Variants in RASSF8 observed in about 807,000 individuals in gnomAD.
The protein encoded by RASSF8 is ras association domain-containing protein 8.
In RASSF8, 22 loss-of-function variants were observed where a neutral mutation model predicts 48.5. The observed-to-expected ratio is 0.45, with a 90% CI of 0.32 to 0.65. The LOEUF is 0.65. Ranked by LOEUF, RASSF8 falls within the 30% of genes least tolerant of loss-of-function variation. The pLI is 0.03. For missense variants in RASSF8, 418 were observed against 489.2 expected (o/e 0.85, Z 1.37); for synonymous variants, 127 against 171.5 (o/e 0.74, Z 2.03).
chr12:25,963,209 A>T (rs1182786325), intron 1 of RASSF8, among the ~76,000 whole-genome samples: 1 of 151,964 alleles, frequency 6.6e-6, no homozygotes, highest in Non-Finnish European at 1.5e-5. Flanking sequence ...ACCAGACATC[A>T]CTGGACCATA....
At chr12:26,002,685 G>C (rs1942290430) in intron 2 of RASSF8, among the ~76,000 whole-genome samples, 1 of 152,148 alleles carries the variant, frequency 6.6e-6, no homozygotes, top group South Asian at 2.1e-4. Flanking sequence ...TGACACAGGA[G>C]AATCACTTGA....
chr12:26,066,618 C>T (rs1943880890), intron 4 of RASSF8, among the ~76,000 whole-genome samples: 1 of 152,142 alleles, frequency 6.6e-6, no homozygotes, highest in African/African-American at 2.4e-5. Flanking sequence ...TTTGATATCA[C>T]AGAAAACACT....
chr12:26,040,891 G>GTTTTT (rs113609672), intron 2 of RASSF8, among the ~76,000 whole-genome samples: 1 of 141,882 alleles, frequency 7.0e-6, no homozygotes, highest in Non-Finnish European at 1.5e-5. Flanking sequence ...ATTATACATA[G>GTTTTT]TTTTTTTTTT....
chr12:26,056,634 T>A (rs1417783638), intron 3 of RASSF8, among the ~76,000 whole-genome samples: 1 of 152,238 alleles, frequency 6.6e-6, no homozygotes, highest in Non-Finnish European at 1.5e-5. Context: ...GATGCACTGT[T>A]AGAGGTTTAC....
chr12:26,027,371 C>G (rs1488859280), intron 2 of RASSF8, among the ~76,000 whole-genome samples: 1 of 152,130 alleles, frequency 6.6e-6, no homozygotes, highest in Non-Finnish European at 1.5e-5. Context: ...GTTGTTTAAA[C>G]AAACAAACAG....
Position 26,065,467 on chromosome 12 carries a change from T to G in RASSF8, c.993+80T>G, listed in dbSNP as rs543262963. The G allele has an allele frequency of 8.2e-6, 12 of 1,468,792 alleles. No individual in the cohort carries two copies. The African/African-American group carries it at 1.3e-4, about 16-fold the overall frequency. 91.0% of individuals were successfully genotyped at this position (1,468,792 alleles called of 1,614,324 possible). On this transcript the variant is annotated intron_variant, in intron 4 of 5. Coordinates refer to ENST00000689635, the MANE Select transcript of RASSF8 (RefSeq NM_001394098.1). Reference sequence around the variant, plus strand: ...GGAATCTCCTTTTCATCATTGTCAATTTTTCCTTATATTCAAAGAATTAGA... The same window carrying G: ...GGAATCTCCTTTTCATCATTGTCAAGTTTTCCTTATATTCAAAGAATTAGA...
intron 2 of RASSF8, among the ~76,000 whole-genome samples, chr12:26,045,160 T>A (rs143787563): frequency 1.3e-5 from 2 of 152,174 alleles, no homozygotes; most frequent in African/African-American, 4.8e-5. Flanking sequence ...GAATGGACAC[T>A]TTTTTTGTTC....
chr12:26,034,382 A>T (rs1943087587), intron 2 of RASSF8, among the ~76,000 whole-genome samples: 1 of 149,184 alleles, frequency 6.7e-6, no homozygotes, highest in African/African-American at 2.5e-5. Context: ...AACACATAAA[A>T]TACACTAACA....
chr12:25,976,154 C>G (rs140570367), intron 1 of RASSF8, among the ~76,000 whole-genome samples: 1 of 152,076 alleles, frequency 6.6e-6, no homozygotes, highest in Non-Finnish European at 1.5e-5. Flanking sequence ...TGCCAACTTC[C>G]TAGAACTAAA....
chr12:26,061,733 T>C (rs1943747787), intron 3 of RASSF8, among the ~76,000 whole-genome samples: 1 of 152,198 alleles, frequency 6.6e-6, no homozygotes, highest in African/African-American at 2.4e-5. Flanking sequence ...TGCCAAGTTA[T>C]GGATATTAAA....
intron 1 of RASSF8, among the ~76,000 whole-genome samples, chr12:25,985,726 T>C (rs190557483): frequency 6.6e-6 from 1 of 152,206 alleles, no homozygotes; most frequent in African/African-American, 2.4e-5. Flanking sequence ...AAATTAATAT[T>C]TGGGGGAGAG....
chr12:26,037,290 G>T (rs1943173899), intron 2 of RASSF8, among the ~76,000 whole-genome samples: 1 of 152,186 alleles, frequency 6.6e-6, no homozygotes, highest in African/African-American at 2.4e-5. Context: ...AGCAATATCA[G>T]TGATAAGATA....
intron 2 of RASSF8, among the ~76,000 whole-genome samples, chr12:26,002,719 G>A (rs1942291486): frequency 6.6e-6 from 1 of 152,174 alleles, no homozygotes. Context: ...AGGTTGCAGT[G>A]AGCAGAGATC....
chr12:26,021,846 A>G (rs1942793977), intron 2 of RASSF8, among the ~76,000 whole-genome samples: 1 of 152,124 alleles, frequency 6.6e-6, no homozygotes, highest in Non-Finnish European at 1.5e-5. Flanking sequence ...TCCCCAAAGG[A>G]ATTGATTTTA....
intron 1 of RASSF8, among the ~76,000 whole-genome samples, chr12:25,967,168 A>G (rs1007532060): frequency 6.6e-6 from 1 of 152,248 alleles, no homozygotes; most frequent in African/African-American, 2.4e-5. Context: ...AAAAGCAGCT[A>G]TCTCCAAGCC....
intron 1 of RASSF8, among the ~76,000 whole-genome samples, chr12:25,988,173 AT>A (rs1459009423): frequency 6.6e-6 from 1 of 151,996 alleles, no homozygotes; most frequent in Non-Finnish European, 1.5e-5. Context: ...AATTAATGTT[AT>A]TTTTTAAAAA....
chr12:26,007,534 G>A (rs536811316), intron 2 of RASSF8, among the ~76,000 whole-genome samples: 4 of 152,314 alleles, frequency 2.6e-5, no homozygotes, highest in Non-Finnish European at 4.4e-5. Context: ...TCCTTCAACT[G>A]TGCAGAGGTG....
At chr12:25,984,833 C>T (rs1941834628) in intron 1 of RASSF8, among the ~76,000 whole-genome samples, 1 of 152,122 alleles carries the variant, frequency 6.6e-6, no homozygotes, top group African/African-American at 2.4e-5. Context: ...TACTCTTTTG[C>T]CTGTTCAACA....
At chr12:26,004,314 GC>G (rs1239660054) in intron 2 of RASSF8, among the ~76,000 whole-genome samples, 3 of 152,282 alleles carry the variant, frequency 2.0e-5, no homozygotes, top group Admixed American at 6.5e-5. Flanking sequence ...TGAGATTTAT[GC>G]CTACATTGTC....
Sources: gnomAD v4.1 joint callset for allele counts (sites outside exome capture counted in the v4.1 genomes callset) on GRCh38, gnomAD v4.1.1 for gene constraint, MANE v1.5 for transcripts, NCBI Gene and HGNC (gene_info 2026-07-23, HGNC 2026-07-21) for gene names.